The following CAMTA1 variants were observed in gnomAD, a reference collection of about 807,000 sequenced individuals.
CAMTA1 encodes calmodulin-binding transcription activator 1.
CAMTA1 carries 27 observed loss-of-function variants against 170.9 expected under a neutral mutation model. The ratio of observed to expected loss-of-function variants is 0.16; its 90% CI spans 0.12 to 0.22. CAMTA1 has a LOEUF of 0.22. CAMTA1 is among the 10% of genes least tolerant of loss of function. The probability of loss-of-function intolerance (pLI) is 1.00; values close to 1 mark genes in which losing one functional copy is unlikely to be tolerated. For missense variants in CAMTA1, 1,619 were observed against 2,217.2 expected (o/e 0.73, Z 5.42); for synonymous variants, 833 against 891.5 (o/e 0.93, Z 1.17).
rs1046578463 is a variant in CAMTA1, at chr1:7,511,345, C to T, written c.510+43444C>T. 4.1e-5 allele frequency among the ~76,000 whole-genome samples: 6 copies of T among 145,074 alleles called. 2 individuals are homozygous for T. Among genetic ancestry groups the T allele is most frequent in the Admixed American group, 6.9e-5 (1 of 14,480 alleles). ...CTTTCCTGTAATGTGGGGATCATCACCCATATATTAAGTGTTATGAGAAAA... is the reference window on the plus strand; with the variant it reads ...CTTTCCTGTAATGTGGGGATCATCATCCATATATTAAGTGTTATGAGAAAA... On this transcript the variant is annotated intron_variant, in intron 6 of 22. Coordinates refer to ENST00000303635, the MANE Select transcript of CAMTA1 (RefSeq NM_015215.4).
rs1674646998 is a variant in CAMTA1, at chr1:7,300,842, G to T, written c.438+51216G>T. 6.6e-6 allele frequency among the ~76,000 whole-genome samples: 1 copy of T among 152,120 alleles called. No homozygotes were observed. The highest frequency in any genetic ancestry group is 2.4e-5 in the African/African-American group (1 of 41,412). On this transcript the variant is annotated intron_variant, in intron 5 of 22. Transcript: ENST00000303635. The surrounding 1 kb of genome is among the most constrained non-coding windows in gnomAD (Gnocchi z 4.1). ...CAACTTTATTTCCATAGTCTGTGTTGCACTCAAAGTAAATATTAATTCCAT... is the reference window on the plus strand; with the variant it reads ...CAACTTTATTTCCATAGTCTGTGTTTCACTCAAAGTAAATATTAATTCCAT...
chr1:7,307,025 G>A (rs1352787056), intron 5 of CAMTA1, among the ~76,000 whole-genome samples: 1 of 151,784 alleles, frequency 6.6e-6, no homozygotes, highest in Non-Finnish European at 1.5e-5. Context: ...GAGGATCTGT[G>A]GATTTTTATA....
At chr1:7,481,154 CCTT>C (rs2093526847) in intron 6 of CAMTA1, among the ~76,000 whole-genome samples, 1 of 152,216 alleles carries the variant, frequency 6.6e-6, no homozygotes, top group Admixed American at 6.5e-5. Flanking sequence ...TGGAGTCCCT[CCTT>C]CTTAGCCTGT....
At chr1:7,459,390 A>G (rs1454501632) in intron 5 of CAMTA1, among the ~76,000 whole-genome samples, 1 of 152,090 alleles carries the variant, frequency 6.6e-6, no homozygotes. Context: ...CGTTCAGGGT[A>G]CCCTGGGGAG....
intron 4 of CAMTA1, among the ~76,000 whole-genome samples, chr1:7,197,678 A>ACAC (rs57819326): frequency 5.0e-5 from 7 of 139,124 alleles, no homozygotes; most frequent in South Asian, 2.4e-4. Context: ...ACACACACAC[A>ACAC]ATCTACTTGC....
At chr1:7,566,395 G>A (rs1028709633) in intron 6 of CAMTA1, among the ~76,000 whole-genome samples, 2 of 152,154 alleles carry the variant, frequency 1.3e-5, no homozygotes, top group African/African-American at 4.8e-5. Context: ...TTTGTTACTC[G>A]TAATAAACAT....
intron 1 of CAMTA1, among the ~76,000 whole-genome samples, chr1:6,808,815 G>A (rs1644833521): frequency 6.6e-6 from 1 of 152,234 alleles, no homozygotes; most frequent in East Asian, 1.9e-4. Context: ...TAGAATTGGG[G>A]TGAGGAAAGA....
rs1418416586 is a variant in CAMTA1 at position 7,674,050 on chromosome 1, G to T, written c.2779+3013G>T. ...GGCTGAGCTCGAAGGATGAACACTT[G>T]GAAGTCAGAATCAAACTGGCCTCAC... On this transcript the variant is annotated intron_variant, in intron 10 of 22. Transcript: ENST00000303635. This position sits in a 1 kb window ranked among gnomAD's most constrained non-coding sequence, Gnocchi z 4.1. Among the ~76,000 whole-genome samples, 1 of 152,156 alleles carries T rather than the reference G, an allele frequency of 6.6e-6. No individual in the cohort carries two copies. The highest frequency in any genetic ancestry group is 1.5e-5 in the Non-Finnish European group (1 of 68,028).
At chr1:7,272,295 CTT>C (rs1669915783) in intron 5 of CAMTA1, among the ~76,000 whole-genome samples, 1 of 152,076 alleles carries the variant, frequency 6.6e-6, no homozygotes, top group African/African-American at 2.4e-5. Context: ...GATCACAACA[CTT>C]AATATTGTTC....
chr1:6,865,605 T>TTTA (rs1666329063), intron 3 of CAMTA1, among the ~76,000 whole-genome samples: 1 of 152,196 alleles, frequency 6.6e-6, no homozygotes, highest in Non-Finnish European at 1.5e-5. Context: ...AGAAAAGGAA[T>TTTA]GTAAGAGGAT....
At chr1:7,070,447 G>A (rs1432448102) in intron 3 of CAMTA1, among the ~76,000 whole-genome samples, 1 of 152,186 alleles carries the variant, frequency 6.6e-6, no homozygotes, top group Non-Finnish European at 1.5e-5. Flanking sequence ...TGATACTGGT[G>A]GTCGCTGTTG....
intron 21 of CAMTA1, among the ~76,000 whole-genome samples, chr1:7,753,131 G>C (rs758678797): frequency 4.6e-5 from 7 of 152,208 alleles, no homozygotes; most frequent in Non-Finnish European, 7.3e-5. Flanking sequence ...GAGACTCTGG[G>C]CACATCTTCA....
intron 5 of CAMTA1, among the ~76,000 whole-genome samples, chr1:7,314,011 G>T (rs950754412): frequency 6.6e-6 from 1 of 152,176 alleles, no homozygotes; most frequent in Non-Finnish European, 1.5e-5. Context: ...CCCACAGCAG[G>T]CCAGGCAACC....
intron 5 of CAMTA1, among the ~76,000 whole-genome samples, chr1:7,444,366 A>G (rs1033631107): frequency 1.3e-5 from 2 of 152,338 alleles, no homozygotes; most frequent in African/African-American, 4.8e-5. Context: ...CTCCAGCCAC[A>G]GTAGCTTCTG....
At chr1:6,993,193 A>T (rs1696666666) in intron 3 of CAMTA1, among the ~76,000 whole-genome samples, 1 of 152,116 alleles carries the variant, frequency 6.6e-6, no homozygotes, top group South Asian at 2.1e-4. Flanking sequence ...TGACTATCTT[A>T]CCTCTTTGAC....
At chr1:7,407,707 A>C (rs2090401938) in intron 5 of CAMTA1, among the ~76,000 whole-genome samples, 1 of 152,118 alleles carries the variant, frequency 6.6e-6, no homozygotes, top group Non-Finnish European at 1.5e-5. Flanking sequence ...TGCCCGTGCC[A>C]GCCTGCAGGT....
At position 7,104,128 on chromosome 1, in the gene CAMTA1, T is replaced by G. The variant is rs111162186; in HGVS notation, c.302+12757T>G. Among the ~76,000 whole-genome samples the G allele has an allele frequency of 1.8e-4, 3 of 16,602 alleles. No individual in the cohort carries two copies. In the Admixed American group the frequency reaches 2.0e-3, roughly 11 times the overall value. 10.9% of individuals were successfully genotyped at this position (16,602 alleles called of 152,430 possible). ...TACACACATGTACACACAACACACA[T>G]AACTACACACGTACACACAACACAC... On this transcript the variant is annotated intron_variant, in intron 4 of 22. Coordinates refer to ENST00000303635, the MANE Select transcript of CAMTA1 (RefSeq NM_015215.4).
At chr1:7,358,560 C>T (rs1188061275) in intron 5 of CAMTA1, among the ~76,000 whole-genome samples, 3 of 152,126 alleles carry the variant, frequency 2.0e-5, no homozygotes, top group Non-Finnish European at 2.9e-5. Context: ...ACCCCTGCCC[C>T]GGGCAGCCCC....
At chr1:7,696,500 T>G (rs1041825668) in intron 11 of CAMTA1, among the ~76,000 whole-genome samples, 1 of 151,678 alleles carries the variant, frequency 6.6e-6, no homozygotes, top group Non-Finnish European at 1.5e-5. Context: ...AGCCAGTTTT[T>G]TTTTTTTTTA....
Sources: gnomAD v4.1 joint callset for allele counts (sites outside exome capture counted in the v4.1 genomes callset) on GRCh38, gnomAD v4.1.1 for gene constraint, Gnocchi (gnomAD v3.1) non-coding constraint, MANE v1.5 for transcripts, NCBI Gene and HGNC (gene_info 2026-07-23, HGNC 2026-07-21) for gene names.